NAGA: variants seen among roughly 807,000 people sequenced by gnomAD.
The protein encoded by NAGA is alpha-N-acetylgalactosaminidase, also known as Acetylgalactosaminidase, alpha-N- (alpha-galactosidase B).
A neutral mutation model predicts 45.6 loss-of-function variants in NAGA; 42 were observed. The observed-to-expected ratio is 0.92, with a 90% CI of 0.72 to 1.19. The LOEUF (loss-of-function observed/expected upper bound fraction) is 1.19, where lower values mean the gene tolerates loss of function less well. Ranked by LOEUF, NAGA falls within the 50% of genes most tolerant of loss-of-function variation. The pLI, the probability that NAGA is intolerant of heterozygous loss-of-function variation, is 0.00. For synonymous variants in NAGA, 176 were observed against 203.1 expected, an observed-to-expected ratio of 0.87 and a Z score of 1.13; for missense variants, 493 against 544.8, an observed-to-expected ratio of 0.90 and a Z score of 0.95.
At position 42,070,347 on chromosome 22, in the gene NAGA, T is replaced by C; in HGVS notation, c.-50A>G. ...CCTGACCAGATCTGGTCTGCGTGTA[T>C]CAGCTGTATGTGTTGGGCTCTGGAA... is the stretch of plus-strand genomic sequence containing the variant. On this transcript the variant is annotated 5_prime_UTR_variant, in exon 1 of 9. Transcript: ENST00000396398. 6.2e-7 allele frequency: 1 copy of C among 1,611,336 alleles called. No individual in the cohort carries two copies. Among genetic ancestry groups the C allele is most frequent in the Non-Finnish European group, 8.5e-7 (1 of 1,177,510 alleles).
chr22:42,067,583 C>A (rs1926817187), intron 3 of NAGA, among the ~76,000 whole-genome samples, 182 bp downstream of exon 3: 1 of 152,214 alleles, frequency 6.6e-6, no homozygotes, highest in Non-Finnish European at 1.5e-5. Context: ...CCTAGAATAC[C>A]AGGCTGTGTG....
In NAGA at chr22:42,062,926, C is replaced by CA; in HGVS notation, c.857dup (p.Arg287AlafsTer50). ...CCATGTTCTGGGCGGAGATGGTACGCAGGTCTGTGGACATCAAGAGGGGGG... is the reference window on the plus strand; with the variant it reads ...CCATGTTCTGGGCGGAGATGGTACGCAAGGTCTGTGGACATCAAGAGGGGGG... On this transcript the variant is annotated frameshift_variant, in exon 7 of 9. Coordinates refer to ENST00000396398, the MANE Select transcript of NAGA (RefSeq NM_000262.3). LOFTEE classifies it high-confidence loss of function. 1 of 1,614,210 alleles carries CA rather than the reference C, an allele frequency of 6.2e-7. No individual in the cohort carries two copies. Among genetic ancestry groups the CA allele is most frequent in the Non-Finnish European group, 8.5e-7 (1 of 1,180,032 alleles).
intron 5 of NAGA, 134 bp from the exon 6 acceptor site, chr22:42,066,033 T>C: frequency 5.8e-6 from 7 of 1,198,426 alleles, no homozygotes; most frequent in South Asian, 1.3e-5. Context: ...CCCCACCGGC[T>C]TGCTCAGGAT....
At chr22:42,067,076 C>T (rs755356330) in intron 4 of NAGA, 37 bp downstream of exon 4, 21 of 1,611,854 alleles carry the variant, frequency 1.3e-5, no homozygotes, top group South Asian at 5.5e-5. Context: ...CCACCCTCCC[C>T]GTTTGCCTAC....
At chr22:42,065,670 C>T in intron 6 of NAGA, 68 bp downstream of exon 6, 1 of 1,600,788 alleles carries the variant, frequency 6.2e-7, no homozygotes, top group Non-Finnish European at 8.5e-7. Flanking sequence ...AGGAAGAAAG[C>T]ACAGGGCAGT....
chr22:42,066,610 G>T (rs1225312891), intron 5 of NAGA, 100 bp downstream of exon 5: 1 of 1,145,948 alleles, frequency 8.7e-7, no homozygotes, highest in Non-Finnish European at 1.3e-6. Flanking sequence ...GGTGAGAGCA[G>T]CCCTGGCTCT....
At chr22:42,066,611 C>T (rs1926744473) in intron 5 of NAGA, 99 bp downstream of exon 5, 5 of 1,156,956 alleles carry the variant, frequency 4.3e-6, no homozygotes, top group Admixed American at 4.1e-5. Flanking sequence ...GTGAGAGCAG[C>T]CCTGGCTCTG....
rs758171119 is a variant in NAGA, at chr22:42,061,017, G to A, written c.1008C>T (p.Ser336=). The A allele has an allele frequency of 2.3e-5, 37 of 1,614,074 alleles. No homozygotes were observed. Among genetic ancestry groups the A allele is most frequent in the Middle Eastern group, 1.6e-4 (1 of 6,084 alleles). ...TCCTGCAGCTGAAGAAGACTAAGGCGCTAGCCTTGTTGGACAGAGGCCGCA... is the reference window on the plus strand; with the variant it reads ...TCCTGCAGCTGAAGAAGACTAAGGCACTAGCCTTGTTGGACAGAGGCCGCA... ...VYMRPLSNKA[S]ALVFFSCRTD... Residue 336 remains serine, a synonymous_variant, in exon 8 of 9, where the codon AGC becomes AGT. Coordinates refer to ENST00000396398, the MANE Select transcript of NAGA (RefSeq NM_000262.3).
In NAGA at chr22:42,062,985, G is replaced by A. The variant is rs138546784; in HGVS notation, c.799C>T (p.Arg267Trp). ...GNFGLSLEQSRAQMALWTVLA... is the reference protein window; with the variant it reads ...GNFGLSLEQSWAQMALWTVLA... ...ACCGTCCACAGGGCCATCTGGGCCC[G>A]GGATTGCTCTAAGCTGAGACCAAAG... The change falls in exon 7 of 9, where the codon CGG (arginine) becomes TGG (tryptophan). Residue 267 changes from arginine to tryptophan, a missense_variant. Physicochemically the swap from Arg to Trp is moderately radical, Grantham distance 101. Transcript: ENST00000396398. 29 of 1,614,224 alleles carry A rather than the reference G, an allele frequency of 1.8e-5. No individual in the cohort carries two copies. Among genetic ancestry groups the A allele is most frequent in the Admixed American group, 3.3e-5 (2 of 60,028 alleles).
rs1160237602 is a variant in NAGA, at chr22:42,066,783, G to A, written c.524C>T (p.Ala175Val). Residue 175 changes from alanine (A) to valine (V), a missense_variant, in exon 5 of 9, where the codon GCC (alanine) becomes GTC (valine). Coordinates refer to ENST00000396398, the MANE Select transcript of NAGA (RefSeq NM_000262.3). ...RAQGYPKMAA[A>V]LNATGRPIAF... ...GATGGGGCGGCCTGTGGCATTCAGG[G>A]CAGCAGCCATCTTGGGGTACCCTAG... 1 of 1,606,590 alleles carries A rather than the reference G, an allele frequency of 6.2e-7. No homozygotes were observed. The highest frequency in any genetic ancestry group is 8.5e-7 in the Non-Finnish European group (1 of 1,176,780).
At chr22:42,064,036 A>C (rs1255130243) in intron 6 of NAGA, among the ~76,000 whole-genome samples, 1 of 152,054 alleles carries the variant, frequency 6.6e-6, no homozygotes, top group East Asian at 1.9e-4. Flanking sequence ...CAACAGAGTG[A>C]GACTCTGACT....
At chr22:42,067,668 C>T in intron 3 of NAGA, 97 bp downstream of exon 3, 1 of 1,081,608 alleles carries the variant, frequency 9.2e-7, no homozygotes, top group Non-Finnish European at 1.4e-6. Context: ...CCCCACTAGA[C>T]TGTGAGATCT....
In NAGA at chr22:42,067,751, G is replaced by A. The variant is rs1361850924; in HGVS notation, c.324+14C>T. On this transcript the variant is annotated intron_variant, in intron 3 of 8. Coordinates refer to ENST00000396398, the MANE Select transcript of NAGA (RefSeq NM_000262.3). Reference sequence around the variant, plus strand: ...TAGCCCTGAGGCCAAGGGCAGGGCTGGGGTGCGGCTCACGTAGTCAGCCAG... The same window carrying A: ...TAGCCCTGAGGCCAAGGGCAGGGCTAGGGTGCGGCTCACGTAGTCAGCCAG... 15 of 1,610,530 alleles carry A rather than the reference G, an allele frequency of 9.3e-6. No homozygotes were observed. Among genetic ancestry groups the A allele is most frequent in the Non-Finnish European group, 1.3e-5 (15 of 1,179,340 alleles).
Position 42,067,114 on chromosome 22 carries a change from C to G in NAGA, c.501G>C (p.Gln167His). 1 of 1,613,930 alleles carries G rather than the reference C, an allele frequency of 6.2e-7. No homozygotes were observed. Among genetic ancestry groups the G allele is most frequent in the South Asian group, 1.1e-5 (1 of 91,076 alleles). The stretch of plus-strand genomic sequence containing the variant: ...GCCCCAGCCAGCTGCGTAACTCACC[C>G]TGGGCCCGCTCCTCGGGGGTGGAGA... ...GCFSTPEERA[Q>H]GYPKMAAALN... Residue 167 changes from glutamine to histidine, a missense_variant and splice_region_variant, in exon 4 of 9, where the codon CAG becomes CAC. Gln to His is a conservative substitution (Grantham distance 24). Transcript: ENST00000396398.
chr22:42,060,282 C>T lies in NAGA; in HGVS notation c.1233G>A (p.Gln411=), dbSNP rs1402967695. 2 of 1,613,354 alleles carry T rather than the reference C, an allele frequency of 1.2e-6. No individual in the cohort carries two copies. Among genetic ancestry groups the T allele is most frequent in the Non-Finnish European group, 1.7e-6 (2 of 1,179,998 alleles). ...GCCTGTCACATGTCCCAGCTCCTCA[C>T]TGCTGGGACATCTCCAGGTTCTTGA... is the stretch of plus-strand genomic sequence containing the variant. The part of the protein sequence containing the change: ...YPIKNLEMSQ[Q] The change falls in exon 9 of 9, where the codon CAG becomes CAA. Residue 411 remains glutamine, a synonymous_variant. Transcript: ENST00000396398.
At position 42,066,693 on chromosome 22, in the gene NAGA, G is replaced by T; in HGVS notation, c.597+17C>A. The T allele has an allele frequency of 6.3e-7, 1 of 1,583,550 alleles. No homozygotes were observed. Among genetic ancestry groups the T allele is most frequent in the Non-Finnish European group, 8.6e-7 (1 of 1,164,602 alleles). On this transcript the variant is annotated intron_variant, in intron 5 of 8. Coordinates refer to ENST00000396398, the MANE Select transcript of NAGA (RefSeq NM_000262.3). ...GGGTGTGGGAAGCGCCATCAGGCAG[G>T]GGGCAGAATGGCTTACCCTTGGGGG...
rs1184266519 is a variant in NAGA, at chr22:42,070,503, T to G, written c.-206A>C. The stretch of plus-strand genomic sequence containing the variant: ...ATCCCCAGCCATCACTTCCCGGAGC[T>G]TCAGTTCTTCCTTCAGAAATACGAA... On this transcript the variant is annotated 5_prime_UTR_variant, in exon 1 of 9. Transcript: ENST00000396398. 1.5e-6 allele frequency: 1 copy of G among 669,184 alleles called. No homozygotes were observed. Among genetic ancestry groups the G allele is most frequent in the African/African-American group, 1.8e-5 (1 of 56,428 alleles). 41.5% of individuals were successfully genotyped at this position (669,184 alleles called of 1,614,324 possible). A position where few individuals can be genotyped will look rare whatever the true frequency, so the allele number is the denominator to read the frequency against.
intron 1 of NAGA, among the ~76,000 whole-genome samples, chr22:42,069,231 C>T (rs1380602304): frequency 6.6e-6 from 1 of 152,088 alleles, no homozygotes; most frequent in Non-Finnish European, 1.5e-5. Flanking sequence ...GAGACCCCAT[C>T]CCAAAATAAT....
chr22:42,060,562 C>A, intron 8 of NAGA, 149 bp from the exon 9 acceptor site: 2 of 1,134,090 alleles, frequency 1.8e-6, no homozygotes, highest in East Asian at 5.0e-5. Context: ...AGCCCTGAAT[C>A]CCCATCACTT....
Sources: gnomAD v4.1 joint callset for allele counts (sites outside exome capture counted in the v4.1 genomes callset) on GRCh38, gnomAD v4.1.1 for gene constraint, MANE v1.5 for transcripts, NCBI Gene and HGNC (gene_info 2026-07-23, HGNC 2026-07-21) for gene names.